DIP2C: variants seen among roughly 807,000 people sequenced by gnomAD.
DIP2C encodes DIP2 acetate--CoA ligase C (putative).
Under a neutral mutation model 192.4 loss-of-function variants are expected in DIP2C, and 33 were observed. That is an observed-to-expected ratio of 0.17 (90% CI 0.13 to 0.23). The LOEUF is 0.23. DIP2C is among the 10% of genes least tolerant of loss of function. DIP2C has a pLI of 1.00. For synonymous variants in DIP2C, 979 were observed against 864.1 expected (o/e 1.13, Z -2.33); for missense variants, 1,537 against 2,110.1 (o/e 0.73, Z 5.32).
chr10:490,200 G>A (rs1189402117), intron 1 of DIP2C, among the ~76,000 whole-genome samples: 1 of 152,050 alleles, frequency 6.6e-6, no homozygotes, highest in Non-Finnish European at 1.5e-5. Flanking sequence ...CGGTGGCTCT[G>A]ACGGTGCCTG....
intron 4 of DIP2C, among the ~76,000 whole-genome samples, chr10:435,958 CAT>C (rs138299343): frequency 1.3e-5 from 2 of 151,530 alleles, no homozygotes; most frequent in African/African-American, 2.4e-5. Flanking sequence ...TTTGTAGCCT[CAT>C]ATATATATAT....
intron 32 of DIP2C, among the ~76,000 whole-genome samples, chr10:301,347 G>A (rs1408475544): frequency 1.3e-5 from 2 of 152,240 alleles, no homozygotes; most frequent in African/African-American, 4.8e-5. Context: ...GATGTCAGAG[G>A]GAGGGGATGC....
At chr10:484,840 G>A (rs756090494) in intron 2 of DIP2C, 33 of 1,611,378 alleles carry the variant, frequency 2.0e-5, no homozygotes, top group African/African-American at 6.7e-5. Flanking sequence ...CTCCCGAGCC[G>A]CAGCTTCTCG....
intron 1 of DIP2C, among the ~76,000 whole-genome samples, chr10:611,041 AC>A (rs1335325118): frequency 7.3e-6 from 1 of 137,904 alleles, no homozygotes; most frequent in East Asian, 2.2e-4. Context: ...TGACTGACTC[AC>A]GGGGGTGCTT....
At chr10:631,328 G>A (rs1338761447) in intron 1 of DIP2C, 1 of 152,218 alleles carries the variant, frequency 6.6e-6, no homozygotes, top group Non-Finnish European at 1.5e-5. Context: ...CACTGTAGCA[G>A]CGGATTCTGG....
chr10:488,856 C>G (rs144096809), intron 1 of DIP2C, among the ~76,000 whole-genome samples: 113 of 152,330 alleles, frequency 7.4e-4, no homozygotes, highest in Non-Finnish European at 1.4e-3. Context: ...ACCCAGTTGT[C>G]TTACAAACTG....
At chr10:639,732 C>T (rs1472042932) in intron 1 of DIP2C, among the ~76,000 whole-genome samples, 2 of 152,204 alleles carry the variant, frequency 1.3e-5, no homozygotes, top group Non-Finnish European at 2.9e-5. Flanking sequence ...TTGAAATAGG[C>T]ATATTGTGCC....
intron 1 of DIP2C, among the ~76,000 whole-genome samples, chr10:590,360 T>G (rs1204261778): frequency 6.6e-6 from 1 of 152,174 alleles, no homozygotes; most frequent in Non-Finnish European, 1.5e-5. Flanking sequence ...CAGCAAGCTG[T>G]TCCTTGGCTC....
At chr10:559,282 A>G (rs548974238) in intron 1 of DIP2C, among the ~76,000 whole-genome samples, 1 of 149,848 alleles carries the variant, frequency 6.7e-6, no homozygotes, top group East Asian at 2.0e-4. Flanking sequence ...TCTAACCAGG[A>G]CAAGCCTCGG....
At chr10:346,575 T>TCACCCAGACACACCGCGCATAGTTCTCCC (rs1564592013) in intron 26 of DIP2C, among the ~76,000 whole-genome samples, 2 of 67,000 alleles carry the variant, frequency 3.0e-5, no homozygotes, top group Non-Finnish European at 5.7e-5. Context: ...ATAGTTCTCC[T>TCACCCAGACACACCGCGCATAGTTCTCCC]GGAAACCCCA....
intron 6 of DIP2C, among the ~76,000 whole-genome samples, chr10:418,012 GCGGACAGGCCTCCCTGTCCACCTGTT>G (rs1965875763): frequency 1.3e-4 from 1 of 7,524 alleles, no homozygotes; most frequent in Non-Finnish European, 2.7e-4. Flanking sequence ...CTGTCAGGGC[GCGGACAGGCCTCCCTGTCCACCTGTT>G]CCTGTCAGGG....
intron 29 of DIP2C, among the ~76,000 whole-genome samples, chr10:336,642 T>C (rs1417605987): frequency 6.6e-6 from 1 of 151,960 alleles, no homozygotes; most frequent in East Asian, 2.0e-4. Flanking sequence ...CTCCTACTTA[T>C]AAAAAAGAAA....
chr10:399,555 TAC>T (rs888826669), intron 9 of DIP2C, among the ~76,000 whole-genome samples: 4 of 152,250 alleles, frequency 2.6e-5, no homozygotes, highest in Admixed American at 6.5e-5. Context: ...TGTATTTCTA[TAC>T]AGTCTTCATA....
intron 26 of DIP2C, among the ~76,000 whole-genome samples, chr10:346,204 G>A (rs148101867): frequency 0.017 from 31 of 1,818 alleles, 1 homozygote; most frequent in Admixed American, 0.037. Context: ...GTTCTCCCGG[G>A]AACCCCACAC....
At chr10:329,654 AGCAAGGCTGGAGG>A (rs1957416765) in intron 29 of DIP2C, 53 bp from the exon 30 acceptor site, 7 of 675,520 alleles carry the variant, frequency 1.0e-5, no homozygotes, top group African/African-American at 1.6e-5. Flanking sequence ...GCTGGAGCTC[AGCAAGGCTGGAGG>A]GCTCAGGGCA....
At chr10:578,457 G>A (rs1850323045) in intron 1 of DIP2C, among the ~76,000 whole-genome samples, 1 of 152,174 alleles carries the variant, frequency 6.6e-6, no homozygotes, top group Non-Finnish European at 1.5e-5. Flanking sequence ...AGTCCCTGTT[G>A]TTTCGTTTCT....
chr10:491,078 C>G (rs533848848), intron 1 of DIP2C, among the ~76,000 whole-genome samples: 54 of 152,376 alleles, frequency 3.5e-4, no homozygotes, highest in African/African-American at 1.3e-3. Context: ...ACACCCGGCC[C>G]TTGTGGCTTC....
At chr10:396,946 ACCT>A (rs1167495104) in intron 10 of DIP2C, among the ~76,000 whole-genome samples, 1 of 151,794 alleles carries the variant, frequency 6.6e-6, no homozygotes, top group Admixed American at 6.6e-5. Flanking sequence ...CCAAGCATGA[ACCT>A]CCTGGCTTTG....
At position 419,713 on chromosome 10, in the gene DIP2C, T is replaced by C. The variant is rs184208275; in HGVS notation, c.605-514A>G. ...GGTGGATTATGTGAGTTAACACGTA[T>C]ACAGTTCATAGGATCTTCTTCATAA... On this transcript the variant is annotated intron_variant, in intron 5 of 36. Transcript: ENST00000280886. Among the ~76,000 whole-genome samples the C allele has an allele frequency of 1.6e-4, 24 of 152,268 alleles. No homozygotes were observed. In the East Asian group the frequency reaches 3.9e-3, roughly 25 times the overall value.
Sources: gnomAD v4.1 joint callset for allele counts (sites outside exome capture counted in the v4.1 genomes callset) on GRCh38, gnomAD v4.1.1 for gene constraint, MANE v1.5 for transcripts, NCBI Gene and HGNC (gene_info 2026-07-23, HGNC 2026-07-21) for gene names.